PDGFRA: variants seen among roughly 807,000 people sequenced by gnomAD.
PDGFRA encodes the protein platelet derived growth factor receptor alpha.
A neutral mutation model predicts 121.5 loss-of-function variants in PDGFRA; 25 were observed. The ratio of observed to expected loss-of-function variants is 0.21; its 90% CI spans 0.15 to 0.29. PDGFRA has a LOEUF of 0.29. PDGFRA is among the 10% of genes least tolerant of loss of function. PDGFRA has a pLI of 1.00. For synonymous variants in PDGFRA, 463 were observed against 494.8 expected (o/e 0.94, Z 0.85); for missense variants, 1,008 against 1,345.1 (o/e 0.75, Z 3.92).
chr4:54,239,404 C>A (rs1473841430), intron 1 of PDGFRA, among the ~76,000 whole-genome samples: 1 of 152,214 alleles, frequency 6.6e-6, no homozygotes. Flanking sequence ...ACTCTTTTGG[C>A]TTGCTCTTGA....
intron 1 of PDGFRA, among the ~76,000 whole-genome samples, chr4:54,253,011 G>A (rs1339268441): frequency 6.6e-6 from 1 of 151,310 alleles, no homozygotes; most frequent in African/African-American, 2.4e-5. Flanking sequence ...TTGTTTCTCT[G>A]TTTCTGTGAC....
rs766379425 is a variant in PDGFRA at position 54,280,374 on chromosome 4, A to G, written c.2215A>G (p.Thr739Ala). Residue 739 changes from threonine (T) to alanine (A), a missense_variant, in exon 16 of 23, where the codon ACT (threonine) becomes GCT (alanine). Physicochemically the swap from Thr to Ala is moderately conservative, Grantham distance 58. This residue lies in a region of PDGFRA where 128 missense variants were observed against 147.6 expected (regional missense o/e 0.87). Transcript: ENST00000257290. Reference protein sequence around the residue: ...GDYMDMKQADTTQYVPMLERK... With the variant: ...GDYMDMKQADATQYVPMLERK... ...CTACATGGACATGAAGCAGGCTGAT[A>G]CTACACAGTATGTCCCCATGCTAGA... The G allele has an allele frequency of 1.9e-6, 3 of 1,612,852 alleles. No individual in the cohort carries two copies. The highest frequency in any genetic ancestry group is 2.2e-5 in the South Asian group (2 of 91,054).
In PDGFRA at chr4:54,290,398, T is replaced by C. The variant is rs587778599; in HGVS notation, c.2966T>C (p.Ile989Thr). 1.9e-6 allele frequency: 3 copies of C among 1,613,674 alleles called. No homozygotes were observed. Among genetic ancestry groups the C allele is most frequent in the Non-Finnish European group, 2.5e-6 (3 of 1,179,632 alleles). ...RMRVDSDNAY[I>T]GVTYKNEEDK... is the part of the protein sequence containing the mutation. The stretch of plus-strand genomic sequence containing the variant: ...CGTGTGGACTCAGACAATGCATACA[T>C]TGGTGTCACCTACAAAAACGAGGAA... The change falls in exon 22 of 23, where the codon ATT becomes ACT. Residue 989 changes from isoleucine to threonine, a missense_variant. By Grantham distance (89) the Ile-to-Thr change is moderately conservative. This residue lies in a region of PDGFRA where 204 missense variants were observed against 243.0 expected (regional missense o/e 0.84). Coordinates refer to ENST00000257290, the MANE Select transcript of PDGFRA (RefSeq NM_006206.6).
intron 1 of PDGFRA, among the ~76,000 whole-genome samples, chr4:54,233,128 C>A (rs939121647): frequency 1.3e-5 from 2 of 152,174 alleles, no homozygotes; most frequent in Non-Finnish European, 2.9e-5. Context: ...CGCAGAGCGT[C>A]GTGCCTGGGG....
intron 16 of PDGFRA, among the ~76,000 whole-genome samples, chr4:54,283,805 G>C (rs1177134262): frequency 6.6e-6 from 1 of 151,960 alleles, no homozygotes; most frequent in Non-Finnish European, 1.5e-5. Context: ...GTCTCACTAT[G>C]TTGTCCAGGC....
In PDGFRA at chr4:54,287,510, T is replaced by C. The variant is rs766505486; in HGVS notation, c.2643T>C (p.Tyr881=). The C allele has an allele frequency of 1.3e-5, 20 of 1,525,348 alleles. No homozygotes were observed. The highest frequency in any genetic ancestry group is 9.6e-5 in the African/African-American group (7 of 73,086). The allele number at this position is 1,525,348 out of a possible 1,614,324, so 94.5% of individuals were successfully genotyped here. The change falls in exon 19 of 23, where the codon TAT becomes TAC. Residue 881 remains tyrosine, a synonymous_variant. Transcript: ENST00000257290. ...CCACACTGAGTGATGTCTGGTCTTA[T>C]GGCATTCTGCTCTGGGAGATCTTTT... The part of the protein sequence containing the change: ...LYTTLSDVWS[Y]GILLWEIFSL...
intron 1 of PDGFRA, among the ~76,000 whole-genome samples, chr4:54,233,768 G>C (rs960431790): frequency 2.2e-4 from 33 of 152,232 alleles, no homozygotes; most frequent in African/African-American, 8.0e-4. Flanking sequence ...GCGTTCTTGG[G>C]GGGCAGGCGC....
chr4:54,252,656 C>A (rs1010595958), intron 1 of PDGFRA, among the ~76,000 whole-genome samples: 4 of 152,178 alleles, frequency 2.6e-5, no homozygotes, highest in African/African-American at 4.8e-5. Context: ...ATTAACTGAG[C>A]CTCGGAAATC....
intron 1 of PDGFRA, among the ~76,000 whole-genome samples, chr4:54,242,234 C>T (rs919576568): frequency 5.9e-5 from 9 of 152,140 alleles, no homozygotes; most frequent in Admixed American, 2.6e-4. Flanking sequence ...TTGTCTCCAT[C>T]GACAGCTTCT....
intron 15 of PDGFRA, chr4:54,278,886 C>G: frequency 2.1e-6 from 1 of 470,804 alleles, no homozygotes; most frequent in Non-Finnish European, 4.2e-6. Flanking sequence ...AGCTCGAGGT[C>G]CTTGCTGAAC....
chr4:54,261,495 T>G, intron 3 of PDGFRA, 83 bp downstream of exon 3: 1 of 785,858 alleles, frequency 1.3e-6, no homozygotes. Flanking sequence ...AACATATATA[T>G]AAATAATTAA....
rs1724498597 is a variant in PDGFRA, at chr4:54,289,022, G to A, written c.2788G>A (p.Val930Met). 1.6e-5 allele frequency: 26 copies of A among 1,609,606 alleles called. No homozygotes were observed. The highest frequency in any genetic ancestry group is 2.1e-5 in the Non-Finnish European group (25 of 1,175,996). ...HATSEVYEIM[V>M]KCWNSEPEKR... ...CTGTCCCCACAGCTACGAGATCATG[G>A]TGAAATGCTGGAACAGTGAGCCGGA... The change falls in exon 21 of 23, where the codon GTG becomes ATG. Residue 930 changes from valine (V) to methionine (M), a missense_variant. Val to Met is a conservative substitution (Grantham distance 21). Transcript: ENST00000257290.
intron 4 of PDGFRA, chr4:54,264,249 C>T (rs1722913808): frequency 2.1e-6 from 1 of 468,040 alleles, no homozygotes; most frequent in Non-Finnish European, 3.7e-6. Flanking sequence ...AACATACACC[C>T]AGGGGGTTAG....
intron 9 of PDGFRA, 107 bp downstream of exon 9, chr4:54,272,627 G>A (rs1453760903): frequency 7.9e-6 from 10 of 1,260,916 alleles, no homozygotes; most frequent in Non-Finnish European, 1.0e-5. Flanking sequence ...AGGGTTTTGG[G>A]TGTGATAGCT....
intron 15 of PDGFRA, chr4:54,278,799 C>T: frequency 1.7e-6 from 1 of 571,766 alleles, no homozygotes; most frequent in Non-Finnish European, 3.3e-6. Context: ...ATGTGATCCA[C>T]TTAGACCTAT....
chr4:54,292,876 T>C (rs997141565), intron 22 of PDGFRA, among the ~76,000 whole-genome samples: 2 of 151,952 alleles, frequency 1.3e-5, no homozygotes, highest in African/African-American at 4.8e-5. Flanking sequence ...CAGGGCATAG[T>C]TGAGGGTGCA....
chr4:54,249,814 ATAAAGT>A (rs954587224), intron 1 of PDGFRA, among the ~76,000 whole-genome samples: 11 of 152,052 alleles, frequency 7.2e-5, no homozygotes, highest in African/African-American at 2.4e-4. Flanking sequence ...TTTTTAAAAA[ATAAAGT>A]TAAAGGGATA....
At chr4:54,270,497 A>AG (rs1362831273) in intron 7 of PDGFRA, 136 bp from the exon 8 acceptor site, 1 of 643,116 alleles carries the variant, frequency 1.6e-6, no homozygotes, top group Non-Finnish European at 2.8e-6. Flanking sequence ...ATTCCAGAAG[A>AG]GATGATATGG....
Position 54,265,238 on chromosome 4 carries a change from T to C in PDGFRA, c.759+189T>C, listed in dbSNP as rs568335899. On this transcript the variant is annotated intron_variant, in intron 5 of 22. Transcript: ENST00000257290. ...CCTTGATCAATGGGAGAGTTTGAAA[T>C]GATAGTTCCTGGACCAGGCCCTTCA... The C allele has an allele frequency of 4.1e-5, 26 of 626,772 alleles. No individual in the cohort carries two copies. The African/African-American group carries it at 4.5e-4, about 11-fold the overall frequency. The allele number at this position is 626,772 out of a possible 1,614,324, so 38.8% of individuals were successfully genotyped here.
Sources: allele counts gnomAD v4.1 joint callset (sites outside exome capture counted in the v4.1 genomes callset), GRCh38; gene constraint gnomAD v4.1.1; regional missense constraint gnomAD v4.1.1; transcripts MANE v1.5; gene names NCBI Gene and HGNC (gene_info 2026-07-23, HGNC 2026-07-21).